DOCK2: variants seen among roughly 807,000 people sequenced by gnomAD.
The protein encoded by DOCK2 is dedicator of cytokinesis protein 2.
In DOCK2, 87 loss-of-function variants were observed where a neutral mutation model predicts 248.9. The observed-to-expected ratio is 0.35, with a 90% CI of 0.29 to 0.42. The LOEUF (loss-of-function observed/expected upper bound fraction) is 0.42. Among genes scored for constraint, DOCK2 ranks in the 10% least tolerant of loss-of-function variants. The pLI, the probability that DOCK2 is intolerant of heterozygous loss-of-function variation, is 1.00. For synonymous variants in DOCK2, 805 were observed against 821.6 expected, an observed-to-expected ratio of 0.98 and a Z score of 0.35; for missense variants, 1,747 against 2,300.2, an observed-to-expected ratio of 0.76 and a Z score of 4.92.
chr5:169,695,341 C>A, intron 9 of DOCK2: 1 of 166,308 alleles, frequency 6.0e-6, no homozygotes, highest in Non-Finnish European at 1.3e-5. Context: ...AACTGATGGC[C>A]ACACTTTAGA....
chr5:169,902,604 G>C (rs1479991665), intron 27 of DOCK2, among the ~76,000 whole-genome samples: 1 of 152,226 alleles, frequency 6.6e-6, no homozygotes, highest in Non-Finnish European at 1.5e-5. Flanking sequence ...CCCCGCTGAG[G>C]CTCCCTGGGG....
At chr5:169,762,629 A>T (rs547417677) in intron 25 of DOCK2, among the ~76,000 whole-genome samples, 1 of 152,314 alleles carries the variant, frequency 6.6e-6, no homozygotes, top group East Asian at 1.9e-4. Context: ...TGCTCCATGT[A>T]AAAGAATGAC....
chr5:169,923,981 A>T (rs1326708034), intron 27 of DOCK2, among the ~76,000 whole-genome samples: 1 of 152,222 alleles, frequency 6.6e-6, no homozygotes, highest in African/African-American at 2.4e-5. Flanking sequence ...ATGGAGCTGG[A>T]TTAATAACGT....
intron 25 of DOCK2, among the ~76,000 whole-genome samples, chr5:169,765,300 G>A (rs1355361917): frequency 1.3e-5 from 2 of 152,186 alleles, no homozygotes; most frequent in South Asian, 2.1e-4. Context: ...CCTAGGAATT[G>A]CAGGAGTAAG....
intron 26 of DOCK2, among the ~76,000 whole-genome samples, chr5:169,824,827 T>G (rs2113257178): frequency 6.6e-6 from 1 of 152,286 alleles, no homozygotes; most frequent in Non-Finnish European, 1.5e-5. Context: ...ACCATCAGAA[T>G]GAACAGGCAA....
At chr5:169,990,074 A>AGAAG (rs1778167719) in intron 29 of DOCK2, among the ~76,000 whole-genome samples, 2 of 132,754 alleles carry the variant, frequency 1.5e-5, no homozygotes, top group South Asian at 5.1e-4. Context: ...CCAGAAAGAA[A>AGAAG]GAACCCTCTT....
intron 27 of DOCK2, among the ~76,000 whole-genome samples, chr5:169,936,983 C>T (rs1439560520): frequency 6.6e-6 from 1 of 152,176 alleles, no homozygotes; most frequent in Non-Finnish European, 1.5e-5. Flanking sequence ...CCTGCCACTG[C>T]TTTGCAAAAA....
intron 26 of DOCK2, among the ~76,000 whole-genome samples, chr5:169,818,376 T>C (rs1768203216): frequency 6.6e-6 from 1 of 152,196 alleles, no homozygotes; most frequent in Non-Finnish European, 1.5e-5. Context: ...TAAGTATTTG[T>C]TGATTTGGAT....
chr5:169,957,274 T>C (rs1776908015), intron 27 of DOCK2, among the ~76,000 whole-genome samples: 1 of 152,248 alleles, frequency 6.6e-6, no homozygotes, highest in Non-Finnish European at 1.5e-5. Flanking sequence ...GGGACTTAAC[T>C]GCTCTGAGCC....
intron 25 of DOCK2, among the ~76,000 whole-genome samples, chr5:169,783,413 C>T (rs1765817409): frequency 6.6e-6 from 1 of 152,090 alleles, no homozygotes; most frequent in Non-Finnish European, 1.5e-5. Flanking sequence ...AAAGTCATGT[C>T]AGTTTTTTGG....
At chr5:169,790,084 A>G (rs1245247253) in intron 25 of DOCK2, among the ~76,000 whole-genome samples, 1 of 152,226 alleles carries the variant, frequency 6.6e-6, no homozygotes, top group Non-Finnish European at 1.5e-5. Flanking sequence ...TCAGATGATG[A>G]TTGGAAACAA....
rs755566530 is a variant in DOCK2 at position 169,700,180 on chromosome 5, G to A, written c.1258+41G>A. The A allele has an allele frequency of 2.5e-6, 4 of 1,593,042 alleles. No homozygotes were observed. The Admixed American group carries it at 5.3e-5, about 21-fold the overall frequency. On this transcript the variant is annotated intron_variant, in intron 13 of 51. Coordinates refer to ENST00000520908, the MANE Select transcript of DOCK2 (RefSeq NM_004946.3). ...TCTGACCTTCCCCTGGGGACATAGG[G>A]GCCAATTCAGCTTGTCTAATTCATT...
intron 9 of DOCK2, among the ~76,000 whole-genome samples, chr5:169,692,495 A>C (rs1475196511): frequency 6.6e-6 from 1 of 151,876 alleles, no homozygotes; most frequent in Admixed American, 6.6e-5. Context: ...TTTACACTTT[A>C]AGATTCTTTA....
At chr5:169,810,857 C>G (rs1767694067) in intron 26 of DOCK2, among the ~76,000 whole-genome samples, 1 of 151,894 alleles carries the variant, frequency 6.6e-6, no homozygotes, top group African/African-American at 2.4e-5. Flanking sequence ...ACCCTTTATC[C>G]CCGTCTTCTA....
chr5:170,007,324 T>C (rs1283202470), intron 30 of DOCK2, among the ~76,000 whole-genome samples: 1 of 152,180 alleles, frequency 6.6e-6, no homozygotes, highest in Non-Finnish European at 1.5e-5. Context: ...ACATGCTCCT[T>C]GCAGGACCTT....
At chr5:169,685,721 C>T (rs1408988960) in intron 8 of DOCK2, among the ~76,000 whole-genome samples, 2 of 152,192 alleles carry the variant, frequency 1.3e-5, no homozygotes, top group African/African-American at 4.8e-5. Context: ...ACTGGAGGGG[C>T]TGTCCATCTC....
intron 27 of DOCK2, among the ~76,000 whole-genome samples, chr5:169,917,600 CGATT>C (rs1263470850): frequency 1.3e-5 from 2 of 152,124 alleles, no homozygotes; most frequent in Non-Finnish European, 2.9e-5. Flanking sequence ...ATTTTCTAAT[CGATT>C]GCTTGCTGTT....
At chr5:169,908,754 G>A (rs1314954545) in intron 27 of DOCK2, among the ~76,000 whole-genome samples, 9 of 125,458 alleles carry the variant, frequency 7.2e-5, no homozygotes, top group African/African-American at 1.9e-4. Flanking sequence ...TCACTCTGTC[G>A]CCCAGGATAG....
At chr5:169,974,465 C>T (rs1243275539) in intron 27 of DOCK2, among the ~76,000 whole-genome samples, 1 of 152,184 alleles carries the variant, frequency 6.6e-6, no homozygotes, top group East Asian at 1.9e-4. Flanking sequence ...ATGTATTTAG[C>T]CCTTGAAATG....
Sources: allele counts gnomAD v4.1 joint callset (sites outside exome capture counted in the v4.1 genomes callset), GRCh38; gene constraint gnomAD v4.1.1; transcripts MANE v1.5; gene names NCBI Gene and HGNC (gene_info 2026-07-23, HGNC 2026-07-21).